PTPRG: variants seen among roughly 807,000 people sequenced by gnomAD.
PTPRG encodes the protein protein tyrosine phosphatase receptor type G, also known as receptor-type tyrosine-protein phosphatase gamma.
Under a neutral mutation model 165.3 loss-of-function variants are expected in PTPRG, and 102 were observed. The ratio of observed to expected loss-of-function variants is 0.62; its 90% CI spans 0.53 to 0.73. The LOEUF (loss-of-function observed/expected upper bound fraction) is 0.73. Ranked by LOEUF, PTPRG falls within the 30% of genes least tolerant of loss-of-function variation. PTPRG has a pLI of 0.00. For synonymous variants in PTPRG, 675 were observed against 669.5 expected (o/e 1.01, Z -0.13); for missense variants, 1,866 against 1,861.4 (o/e 1.00, Z -0.05).
chr3:61,957,076 A>G (rs2040049672), intron 2 of PTPRG, among the ~76,000 whole-genome samples: 1 of 152,192 alleles, frequency 6.6e-6, no homozygotes, highest in Non-Finnish European at 1.5e-5. Flanking sequence ...CTGTGAATGC[A>G]TGCTGCTTGT....
intron 4 of PTPRG, among the ~76,000 whole-genome samples, chr3:62,013,376 T>A (rs955030724): frequency 7.2e-5 from 11 of 152,140 alleles, no homozygotes; most frequent in Admixed American, 1.3e-4. Context: ...TTAGGAGGTG[T>A]TTTTATGTTG....
intron 2 of PTPRG, among the ~76,000 whole-genome samples, chr3:61,817,107 TTACA>T (rs1177591001): frequency 7.6e-6 from 1 of 131,872 alleles, no homozygotes; most frequent in African/African-American, 2.8e-5. Context: ...TTATTACATA[TTACA>T]TATTACATAT....
intron 3 of PTPRG, among the ~76,000 whole-genome samples, chr3:61,996,447 T>C (rs2041041767): frequency 6.6e-6 from 1 of 152,192 alleles, no homozygotes; most frequent in African/African-American, 2.4e-5. Context: ...CTCTGAGTTT[T>C]GTTTATGGCA....
intron 4 of PTPRG, among the ~76,000 whole-genome samples, chr3:62,032,154 C>T (rs968439559): frequency 2.6e-5 from 4 of 152,124 alleles, no homozygotes; most frequent in African/African-American, 9.7e-5. Flanking sequence ...GGTAGATGGG[C>T]CTGCAGAGAA....
intron 2 of PTPRG, among the ~76,000 whole-genome samples, chr3:61,982,205 T>G (rs1256413615): frequency 6.6e-6 from 1 of 152,194 alleles, no homozygotes; most frequent in Non-Finnish European, 1.5e-5. Flanking sequence ...TCATCTCCAT[T>G]TTATAAACAC....
intron 2 of PTPRG, among the ~76,000 whole-genome samples, chr3:61,953,221 GA>G (rs2039940015): frequency 6.6e-6 from 1 of 151,982 alleles, no homozygotes; most frequent in African/African-American, 2.4e-5. Context: ...CTTCCTTCAG[GA>G]GGCTTTTCTT....
At chr3:61,787,898 A>G (rs1276018072) in intron 2 of PTPRG, among the ~76,000 whole-genome samples, 1 of 152,138 alleles carries the variant, frequency 6.6e-6, no homozygotes. Context: ...AAATTAGGCC[A>G]TTTATTCCCT....
intron 1 of PTPRG, among the ~76,000 whole-genome samples, chr3:61,675,045 T>C (rs776140781): frequency 3.3e-5 from 5 of 152,238 alleles, no homozygotes; most frequent in Non-Finnish European, 7.3e-5. Flanking sequence ...AGCCTAGCAT[T>C]ACCCTACCAC....
intron 1 of PTPRG, among the ~76,000 whole-genome samples, chr3:61,679,008 T>G (rs983467707): frequency 6.6e-6 from 1 of 151,960 alleles, no homozygotes; most frequent in Non-Finnish European, 1.5e-5. Flanking sequence ...TCATCCTAAG[T>G]TAAGTTTATT....
intron 1 of PTPRG, among the ~76,000 whole-genome samples, chr3:61,730,105 G>A (rs1296723916): frequency 1.3e-5 from 2 of 152,230 alleles, no homozygotes; most frequent in East Asian, 1.9e-4. Flanking sequence ...GAAGGGGTTT[G>A]TGACCACCAC....
At chr3:62,013,195 C>T (rs2041467147) in intron 4 of PTPRG, among the ~76,000 whole-genome samples, 1 of 151,976 alleles carries the variant, frequency 6.6e-6, no homozygotes, top group Admixed American at 6.5e-5. Context: ...AACATAAAAT[C>T]AATATAAAAA....
At chr3:61,873,299 A>G (rs1340606380) in intron 2 of PTPRG, among the ~76,000 whole-genome samples, 1 of 152,230 alleles carries the variant, frequency 6.6e-6, no homozygotes, top group African/African-American at 2.4e-5. Flanking sequence ...TTGGGAGACC[A>G]TGCAACTGCT....
chr3:62,169,538 T>C (rs958442724), intron 8 of PTPRG, among the ~76,000 whole-genome samples: 14 of 152,120 alleles, frequency 9.2e-5, no homozygotes, highest in African/African-American at 3.1e-4. Flanking sequence ...CTTCTGGTTC[T>C]ACCCTCACAC....
intron 7 of PTPRG, among the ~76,000 whole-genome samples, chr3:62,158,529 C>A (rs1704625976): frequency 6.6e-6 from 1 of 152,096 alleles, no homozygotes; most frequent in Admixed American, 6.5e-5. Context: ...ATTGGCCAAC[C>A]AACTACTTGG....
chr3:62,067,879 T>C (rs370416150), intron 4 of PTPRG, among the ~76,000 whole-genome samples: 1 of 152,112 alleles, frequency 6.6e-6, no homozygotes, highest in East Asian at 1.9e-4. Flanking sequence ...CAAAAATGTC[T>C]CTAGACATGG....
chr3:61,905,645 G>C (rs555288093), intron 2 of PTPRG, among the ~76,000 whole-genome samples: 58 of 152,174 alleles, frequency 3.8e-4, no homozygotes, highest in Non-Finnish European at 7.2e-4. Flanking sequence ...TTCAGTTAAA[G>C]ATCTACAAAA....
At chr3:62,179,108 A>G (rs1468752070) in intron 8 of PTPRG, among the ~76,000 whole-genome samples, 5 of 152,192 alleles carry the variant, frequency 3.3e-5, no homozygotes, top group Non-Finnish European at 5.9e-5. Context: ...GTTTTTCTTC[A>G]GGTATCTGTC....
At chr3:61,683,007 A>G (rs1190159091) in intron 1 of PTPRG, among the ~76,000 whole-genome samples, 1 of 152,158 alleles carries the variant, frequency 6.6e-6, no homozygotes, top group Non-Finnish European at 1.5e-5. Flanking sequence ...TTAATTTTCC[A>G]CGTGGTATGA....
At chr3:62,257,571 C>T (rs1194542060) in intron 16 of PTPRG, among the ~76,000 whole-genome samples, 1 of 152,118 alleles carries the variant, frequency 6.6e-6, no homozygotes, top group African/African-American at 2.4e-5. Flanking sequence ...TGGGTGGCTA[C>T]ATTTTGAAAT....
Sources: allele counts gnomAD v4.1 joint callset (sites outside exome capture counted in the v4.1 genomes callset), GRCh38; gene constraint gnomAD v4.1.1; transcripts MANE v1.5; gene names NCBI Gene and HGNC (gene_info 2026-07-23, HGNC 2026-07-21).